The following SUPT6H variants were observed in gnomAD, a reference collection of about 807,000 sequenced individuals.
SUPT6H encodes transcription elongation factor SPT6.
In SUPT6H, 11 loss-of-function variants were observed where a neutral mutation model predicts 222.3. The observed-to-expected ratio is 0.05, with a 90% CI of 0.03 to 0.08. The LOEUF (loss-of-function observed/expected upper bound fraction) is 0.08. SUPT6H is among the 10% of genes least tolerant of loss of function. SUPT6H has a pLI of 1.00. For missense variants in SUPT6H, 1,422 were observed against 2,216.0 expected, an observed-to-expected ratio of 0.64 and a Z score of 7.19; for synonymous variants, 762 against 801.2, an observed-to-expected ratio of 0.95 and a Z score of 0.83.
intron 36 of SUPT6H, 69 bp downstream of exon 36, chr17:28,701,197 CT>C: frequency 6.5e-7 from 1 of 1,528,878 alleles, no homozygotes. Flanking sequence ...GGCCGAAAGG[CT>C]TAGCAGAGGC....
At chr17:28,677,606 A>T in intron 7 of SUPT6H, 109 bp from the exon 8 acceptor site, 1 of 779,030 alleles carries the variant, frequency 1.3e-6, no homozygotes, top group Non-Finnish European at 2.2e-6. Context: ...GTAGAACAAT[A>T]CTGGAAATGT....
rs548212233 is a variant in SUPT6H at position 28,683,011 on chromosome 17, G to A, written c.1797G>A (p.Glu599=). The stretch of plus-strand genomic sequence containing the variant: ...TGGTAGCCCTGCAGATTGCCCGTGA[G>A]CCCCTTGTCCGGCAGGTGCTGAGGC... ...RYMVALQIAR[E]PLVRQVLRQT... Residue 599 remains glutamate (E), a synonymous_variant, in exon 15 of 37, where the codon GAG becomes GAA. Transcript: ENST00000314616. 3.9e-5 allele frequency: 63 copies of A among 1,613,924 alleles called. No individual in the cohort carries two copies. The highest frequency in any genetic ancestry group is 4.9e-5 in the Non-Finnish European group (58 of 1,179,978).
At chr17:28,666,278 C>G (rs1432891665) in intron 1 of SUPT6H, among the ~76,000 whole-genome samples, 3 of 152,238 alleles carry the variant, frequency 2.0e-5, no homozygotes, top group African/African-American at 4.8e-5. Context: ...CAAACTAAGG[C>G]CTGTGAGCCA....
At chr17:28,668,614 G>A (rs2030231038) in intron 1 of SUPT6H, among the ~76,000 whole-genome samples, 2 of 152,202 alleles carry the variant, frequency 1.3e-5, no homozygotes, top group African/African-American at 2.4e-5. Context: ...ACAGAAGAAA[G>A]CTGTTGTTTT....
At chr17:28,664,274 G>A (rs1282335002) in intron 1 of SUPT6H, among the ~76,000 whole-genome samples, 3 of 152,154 alleles carry the variant, frequency 2.0e-5, no homozygotes, top group Non-Finnish European at 4.4e-5. Flanking sequence ...TTGGGAGGTC[G>A]AGGTGGGCAG....
rs963624778 is a variant in SUPT6H at position 28,682,061 on chromosome 17, A to G, written c.1597+81A>G. 77 of 1,168,294 alleles carry G rather than the reference A, an allele frequency of 6.6e-5. 1 individual carries two copies. The highest frequency in any genetic ancestry group is 2.7e-4 in the South Asian group (19 of 71,512). The allele number at this position is 1,168,294 out of a possible 1,614,324, so 72.4% of individuals were successfully genotyped here. A position where few individuals can be genotyped will look rare whatever the true frequency, so the allele number is the denominator to read the frequency against. ...CCAGAAAAAAGACTGGTAGGTAGGA[A>G]AAAGAAAGGCTATCTGGGTCAATCA... On this transcript the variant is annotated intron_variant, in intron 13 of 36. Coordinates refer to ENST00000314616, the MANE Select transcript of SUPT6H (RefSeq NM_003170.5).
intron 32 of SUPT6H, among the ~76,000 whole-genome samples, chr17:28,699,432 G>A (rs753319319): frequency 1.3e-5 from 2 of 152,158 alleles, no homozygotes; most frequent in South Asian, 2.1e-4. Context: ...GGGGAGTTGC[G>A]ATTTGCTGCT....
At chr17:28,681,787 G>A in intron 12 of SUPT6H, 95 bp from the exon 13 acceptor site, 1 of 1,076,904 alleles carries the variant, frequency 9.3e-7, no homozygotes, top group African/African-American at 1.6e-5. Context: ...GGAGGCCCTT[G>A]GCTGGGTACC....
chr17:28,699,759 A>G lies in SUPT6H; in HGVS notation c.4449-22A>G, dbSNP rs1201816691. On this transcript the variant is annotated intron_variant, in intron 32 of 36. Transcript: ENST00000314616. ...GTGGGTCCCAAGTGGTTTCTGATGC[A>G]TGTTTCCTTCTAAAATCCTAGGATA... is the stretch of plus-strand genomic sequence containing the variant. 3 of 1,607,688 alleles carry G rather than the reference A, an allele frequency of 1.9e-6. No homozygotes were observed. In the East Asian group the frequency reaches 6.7e-5, roughly 36 times the overall value.
intron 19 of SUPT6H, among the ~76,000 whole-genome samples, chr17:28,686,031 C>G (rs1012594133): frequency 2.6e-5 from 4 of 152,210 alleles, no homozygotes; most frequent in African/African-American, 9.6e-5. Context: ...TTCATCAAAA[C>G]TAGAACCAAT....
intron 13 of SUPT6H, 51 bp from the exon 14 acceptor site, chr17:28,682,676 G>A (rs1171299383): frequency 3.1e-6 from 5 of 1,592,312 alleles, no homozygotes; most frequent in Non-Finnish European, 4.3e-6. Context: ...AAAGCCAAGA[G>A]GTTTATCAGC....
chr17:28,675,335 A>G (rs1453924877), intron 5 of SUPT6H, 66 bp from the exon 6 acceptor site: 1 of 1,584,668 alleles, frequency 6.3e-7, no homozygotes, highest in Admixed American at 1.7e-5. Flanking sequence ...CATAGTAGGA[A>G]CCAAAGCAAT....
intron 25 of SUPT6H, among the ~76,000 whole-genome samples, 159 bp downstream of exon 25, chr17:28,689,720 GT>G (rs2031552828): frequency 6.6e-6 from 1 of 152,172 alleles, no homozygotes; most frequent in Non-Finnish European, 1.5e-5. Flanking sequence ...CCTCAAGGAA[GT>G]TTTTGGTCTG....
rs557481180 is a variant in SUPT6H at position 28,692,506 on chromosome 17, C to A, written c.3634-1190C>A. Among the ~76,000 whole-genome samples, 55 of 145,836 alleles carry A rather than the reference C, an allele frequency of 3.8e-4. 4 individuals carry two copies. The highest frequency in any genetic ancestry group is 7.2e-4 in the Non-Finnish European group (48 of 66,496). On this transcript the variant is annotated intron_variant, in intron 27 of 36. Coordinates refer to ENST00000314616, the MANE Select transcript of SUPT6H (RefSeq NM_003170.5). ...GGATTAGCAGGGTGTGGTGGTGAGACTCCTATCTCAAAAAAAAACACAAAA... is the reference window on the plus strand; with the variant it reads ...GGATTAGCAGGGTGTGGTGGTGAGAATCCTATCTCAAAAAAAAACACAAAA...
intron 1 of SUPT6H, among the ~76,000 whole-genome samples, chr17:28,663,827 C>CTTTTTTTTTT (rs1567681347): frequency 5.9e-4 from 5 of 8,408 alleles, no homozygotes; most frequent in African/African-American, 1.3e-3. Context: ...CTGCCCACTC[C>CTTTTTTTTTT]ATTTTTTTTT....
At chr17:28,693,630 C>A in intron 27 of SUPT6H, 66 bp from the exon 28 acceptor site, 1 of 1,588,396 alleles carries the variant, frequency 6.3e-7, no homozygotes, top group Non-Finnish European at 8.6e-7. Flanking sequence ...CCTCTGGGAG[C>A]TCTTTTCTGA....
At chr17:28,689,126 C>G (rs944028452) in intron 24 of SUPT6H, 7 of 494,132 alleles carry the variant, frequency 1.4e-5, no homozygotes, top group Non-Finnish European at 2.5e-5. Context: ...AAAATGGGAT[C>G]ATATGGTTCA....
At chr17:28,699,711 C>T (rs2032056625) in intron 32 of SUPT6H, 70 bp from the exon 33 acceptor site, 6 of 1,252,252 alleles carry the variant, frequency 4.8e-6, no homozygotes, top group South Asian at 3.6e-5. Context: ...ACATGGTGGG[C>T]ATCTGTTCTG....
At chr17:28,681,072 C>T (rs1007202793) in intron 11 of SUPT6H, 184 bp from the exon 12 acceptor site, 3 of 610,934 alleles carry the variant, frequency 4.9e-6, no homozygotes, top group Non-Finnish European at 5.5e-6. Flanking sequence ...CATCTCCAGT[C>T]TGGGCAACAG....
Sources: gnomAD v4.1 joint callset for allele counts (sites outside exome capture counted in the v4.1 genomes callset) on GRCh38, gnomAD v4.1.1 for gene constraint, MANE v1.5 for transcripts, NCBI Gene and HGNC (gene_info 2026-07-23, HGNC 2026-07-21) for gene names.